Variants in CSMD1 observed in about 807,000 individuals in gnomAD.
CSMD1 encodes CUB and sushi domain-containing protein 1.
A neutral mutation model predicts 417.5 loss-of-function variants in CSMD1; 213 were observed. That is an observed-to-expected ratio of 0.51 (90% CI 0.46 to 0.57). The LOEUF (loss-of-function observed/expected upper bound fraction) is 0.57. CSMD1 is among the 20% of genes least tolerant of loss of function. The pLI is 0.00. For synonymous variants in CSMD1, 2,862 were observed against 1,736.8 expected, an observed-to-expected ratio of 1.65 and a Z score of -16.11; for missense variants, 6,923 against 4,529.7, an observed-to-expected ratio of 1.53 and a Z score of -15.17.
chr8:4,472,132 G>A (rs571876873), intron 2 of CSMD1, among the ~76,000 whole-genome samples: 4 of 152,120 alleles, frequency 2.6e-5, no homozygotes, highest in African/African-American at 7.2e-5. Context: ...CTTCAATATC[G>A]ATGTGTCTTG....
intron 25 of CSMD1, among the ~76,000 whole-genome samples, chr8:3,302,501 C>A (rs1285497837): frequency 2.0e-5 from 3 of 152,184 alleles, no homozygotes; most frequent in African/African-American, 4.8e-5. Flanking sequence ...GATATCACTT[C>A]TCATTTCTTC....
intron 23 of CSMD1, among the ~76,000 whole-genome samples, chr8:3,332,855 A>G (rs1806995161): frequency 6.6e-6 from 1 of 152,168 alleles, no homozygotes; most frequent in Non-Finnish European, 1.5e-5. Context: ...GAGTGTGGGC[A>G]CAGTCTGTGA....
intron 17 of CSMD1, among the ~76,000 whole-genome samples, chr8:3,389,823 T>C (rs371702557): frequency 2.0e-5 from 3 of 152,190 alleles, no homozygotes; most frequent in Non-Finnish European, 4.4e-5. Context: ...TCACAATTGA[T>C]GCTTAGTTCC....
intron 3 of CSMD1, among the ~76,000 whole-genome samples, chr8:4,235,827 A>G (rs1264158862): frequency 6.6e-6 from 1 of 152,164 alleles, no homozygotes; most frequent in Admixed American, 6.5e-5. Flanking sequence ...GAGAACACTC[A>G]GAGGAGAGGA....
chr8:4,107,600 T>C (rs866007179), intron 3 of CSMD1, among the ~76,000 whole-genome samples: 39 of 152,176 alleles, frequency 2.6e-4, no homozygotes, highest in South Asian at 1.2e-3. Flanking sequence ...TGTGAATAGC[T>C]GGGAGTATGA....
chr8:4,008,769 C>A (rs909921785), intron 4 of CSMD1, among the ~76,000 whole-genome samples: 4 of 151,778 alleles, frequency 2.6e-5, no homozygotes, highest in African/African-American at 7.3e-5. Context: ...CGGCACCACG[C>A]CTGGCTAATT....
intron 7 of CSMD1, among the ~76,000 whole-genome samples, chr8:3,701,136 A>C (rs997050073): frequency 6.6e-6 from 1 of 151,934 alleles, no homozygotes; most frequent in South Asian, 2.1e-4. Context: ...TAAGAGGGAG[A>C]GAGATGCCTG....
At chr8:4,152,616 GGAGGT>G (rs1796626951) in intron 3 of CSMD1, among the ~76,000 whole-genome samples, 2 of 151,936 alleles carry the variant, frequency 1.3e-5, no homozygotes, top group African/African-American at 4.8e-5. Flanking sequence ...TTTGAGCCTA[GGAGGT>G]CAAGGCTGCA....
intron 10 of CSMD1, 84 bp downstream of exon 10, chr8:3,574,861 C>A (rs1003442676): frequency 1.2e-5 from 18 of 1,451,516 alleles, no homozygotes; most frequent in Non-Finnish European, 1.6e-5. Flanking sequence ...GCACGGATAG[C>A]ATTTGCTGGG....
At chr8:3,970,333 T>C (rs1812994438) in intron 5 of CSMD1, among the ~76,000 whole-genome samples, 2 of 152,158 alleles carry the variant, frequency 1.3e-5, no homozygotes. Flanking sequence ...GAGAATCCTA[T>C]ACCAGCATAA....
intron 2 of CSMD1, among the ~76,000 whole-genome samples, chr8:4,627,071 A>G (rs1802160893): frequency 6.6e-6 from 1 of 152,164 alleles, no homozygotes; most frequent in African/African-American, 2.4e-5. Flanking sequence ...TAACTCACAT[A>G]TTTTGTATAT....
chr8:2,975,633 C>A (rs1170274018), intron 55 of CSMD1, among the ~76,000 whole-genome samples: 2 of 152,116 alleles, frequency 1.3e-5, no homozygotes, highest in African/African-American at 4.8e-5. Flanking sequence ...GCCAGTGAGA[C>A]CTGAAACAGT....
At chr8:4,768,640 C>G (rs1796444075) in intron 1 of CSMD1, among the ~76,000 whole-genome samples, 2 of 152,202 alleles carry the variant, frequency 1.3e-5, no homozygotes, top group African/African-American at 2.4e-5. Flanking sequence ...GGGGTGATAC[C>G]CGCAAAGTAC....
intron 15 of CSMD1, among the ~76,000 whole-genome samples, chr8:3,400,811 A>G (rs1811995245): frequency 1.3e-5 from 2 of 151,170 alleles, no homozygotes; most frequent in African/African-American, 2.4e-5. Flanking sequence ...GATATATTAT[A>G]TATATATATT....
At chr8:4,050,239 C>A (rs1798353597) in intron 3 of CSMD1, among the ~76,000 whole-genome samples, 1 of 152,098 alleles carries the variant, frequency 6.6e-6, no homozygotes, top group Non-Finnish European at 1.5e-5. Context: ...CCACTATAAA[C>A]TTCTGTATTT....
intron 1 of CSMD1, among the ~76,000 whole-genome samples, chr8:4,899,949 G>A (rs867815865): frequency 7.2e-5 from 11 of 152,270 alleles, no homozygotes; most frequent in Middle Eastern, 3.4e-3. Flanking sequence ...AGGCCTTTAA[G>A]AAATAGTTGT....
intron 5 of CSMD1, among the ~76,000 whole-genome samples, chr8:3,935,358 G>A (rs772925597): frequency 5.9e-5 from 9 of 152,150 alleles, no homozygotes; most frequent in Admixed American, 2.0e-4. Context: ...TTAAGAAATT[G>A]TCATACACAG....
chr8:4,048,452 G>T (rs576151950), intron 3 of CSMD1, among the ~76,000 whole-genome samples: 1 of 152,162 alleles, frequency 6.6e-6, no homozygotes, highest in Admixed American at 6.5e-5. Context: ...TTCCCAACAA[G>T]ATTCTGCAGT....
At chr8:4,264,152 G>C (rs536987112) in intron 3 of CSMD1, among the ~76,000 whole-genome samples, 12 of 152,166 alleles carry the variant, frequency 7.9e-5, no homozygotes, top group Non-Finnish European at 1.8e-4. Context: ...CTACTACTCA[G>C]CTCTTGGGCA....
Sources: gnomAD v4.1 joint callset for allele counts (sites outside exome capture counted in the v4.1 genomes callset) on GRCh38, gnomAD v4.1.1 for gene constraint, MANE v1.5 for transcripts, NCBI Gene and HGNC (gene_info 2026-07-23, HGNC 2026-07-21) for gene names.